The following SH3RF1 variants were observed in gnomAD, a reference collection of about 807,000 sequenced individuals.
The protein encoded by SH3RF1 is SH3 domain containing ring finger 1, also known as E3 ubiquitin-protein ligase SH3RF1.
SH3RF1 carries 32 observed loss-of-function variants against 74.0 expected under a neutral mutation model. That is an observed-to-expected ratio of 0.43 (90% CI 0.33 to 0.58). The LOEUF (loss-of-function observed/expected upper bound fraction) is 0.58, where lower values mean the gene tolerates loss of function less well. Among genes scored for constraint, SH3RF1 ranks in the 20% least tolerant of loss-of-function variants. The probability of loss-of-function intolerance (pLI) is 0.05; values close to 1 mark genes in which losing one functional copy is unlikely to be tolerated. For missense variants in SH3RF1, 954 were observed against 1,130.9 expected, an observed-to-expected ratio of 0.84 and a Z score of 2.24; for synonymous variants, 396 against 439.6, an observed-to-expected ratio of 0.90 and a Z score of 1.24.
At chr4:169,164,889 A>C (rs1255632822) in intron 2 of SH3RF1, among the ~76,000 whole-genome samples, 1 of 152,228 alleles carries the variant, frequency 6.6e-6, no homozygotes, top group Non-Finnish European at 1.5e-5. Flanking sequence ...TACCCAACTG[A>C]CAGATAAATC....
chr4:169,157,617 G>A (rs1322032693), intron 2 of SH3RF1, among the ~76,000 whole-genome samples: 1 of 152,184 alleles, frequency 6.6e-6, no homozygotes, highest in Non-Finnish European at 1.5e-5. Context: ...CGTTGATTCA[G>A]GAGATAAGTG....
chr4:169,205,592 T>A (rs372783209), intron 2 of SH3RF1, among the ~76,000 whole-genome samples: 10 of 152,186 alleles, frequency 6.6e-5, no homozygotes, highest in African/African-American at 2.4e-4. Flanking sequence ...TTTTTCCCAT[T>A]TGCTCTCATT....
intron 2 of SH3RF1, among the ~76,000 whole-genome samples, chr4:169,233,912 A>C (rs1730784051): frequency 6.6e-6 from 1 of 152,062 alleles, no homozygotes; most frequent in South Asian, 2.1e-4. Context: ...AGCAGCTATA[A>C]ACCATTTTCT....
In SH3RF1 at chr4:169,116,494, T is replaced by A; in HGVS notation, c.1914A>T (p.Pro638=). Residue 638 remains proline (P), a synonymous_variant, in exon 10 of 12, where the codon CCA becomes CCT. Coordinates refer to ENST00000284637, the MANE Select transcript of SH3RF1 (RefSeq NM_020870.4). ...TGGCAGCAGTGTGCGTGGCTGAGCC[T>A]GGCATCAGAGGCGCAGGTTGTGGGG... ...LASPQPAPLM[P]GSATHTAAIS... is the part of the protein sequence containing the mutation. 6.2e-7 allele frequency: 1 copy of A among 1,613,558 alleles called. No homozygotes were observed. Among genetic ancestry groups the A allele is most frequent in the Non-Finnish European group, 8.5e-7 (1 of 1,179,792 alleles).
intron 2 of SH3RF1, among the ~76,000 whole-genome samples, chr4:169,178,371 G>GCTTATTTAAAAAAATAAGCAACAATGC (rs1295207700): frequency 1.7e-5 from 1 of 59,564 alleles, no homozygotes; most frequent in Non-Finnish European, 3.9e-5. Context: ...AATAAGCATT[G>GCTTATTTAAAAAAATAAGCAACAATGC]TTATGTTTTG....
intron 4 of SH3RF1, among the ~76,000 whole-genome samples, chr4:169,142,036 T>C (rs1733795465): frequency 1.3e-5 from 2 of 152,120 alleles, no homozygotes; most frequent in African/African-American, 4.8e-5. Flanking sequence ...GCCAGGATGA[T>C]CTCAATCTCC....
chr4:169,101,674 C>CCA (rs1733038090), intron 11 of SH3RF1, among the ~76,000 whole-genome samples: 2 of 85,772 alleles, frequency 2.3e-5, no homozygotes, highest in East Asian at 6.6e-4. Flanking sequence ...AAAAAAAAGG[C>CCA]AAAAAAAAAA....
At chr4:169,107,343 C>CT (rs1168929793) in intron 10 of SH3RF1, 138 bp from the exon 11 acceptor site, 1 of 621,158 alleles carries the variant, frequency 1.6e-6, no homozygotes, top group African/African-American at 1.9e-5. Context: ...TATATGGGGC[C>CT]TTATGGTTTC....
chr4:169,232,129 A>C (rs919118260), intron 2 of SH3RF1, among the ~76,000 whole-genome samples: 1 of 152,252 alleles, frequency 6.6e-6, no homozygotes, highest in African/African-American at 2.4e-5. Flanking sequence ...CTGGATGGCC[A>C]GTGTGGCCAG....
At chr4:169,173,636 CAT>C (rs1224164603) in intron 2 of SH3RF1, among the ~76,000 whole-genome samples, 2 of 152,256 alleles carry the variant, frequency 1.3e-5, no homozygotes, top group Admixed American at 6.5e-5. Flanking sequence ...GAGGGTTACA[CAT>C]GTTAGCTCTG....
At chr4:169,257,055 A>G (rs1731203592) in intron 2 of SH3RF1, among the ~76,000 whole-genome samples, 1 of 152,242 alleles carries the variant, frequency 6.6e-6, no homozygotes, top group Non-Finnish European at 1.5e-5. Context: ...AAACTTGGAA[A>G]GCAGCTCTTC....
chr4:169,200,673 A>T (rs1734893169), intron 2 of SH3RF1, among the ~76,000 whole-genome samples: 1 of 152,214 alleles, frequency 6.6e-6, no homozygotes, highest in African/African-American at 2.4e-5. Flanking sequence ...ATTTGTGAAC[A>T]GTTCAACTAC....
In SH3RF1 at chr4:169,107,068, G is replaced by A. The variant is rs778571835; in HGVS notation, c.2277C>T (p.Pro759=). 1.7e-5 allele frequency: 27 copies of A among 1,613,836 alleles called. 1 individual carries two copies. The highest frequency in any genetic ancestry group is 4.4e-5 in the South Asian group (4 of 91,080). ...CATGGCCACCTCCTGGTGGCAGTTC[G>A]GGCCCCACCGCTCCCTGGAGAGGAA... is the stretch of plus-strand genomic sequence containing the variant. ...AELPLQGAVG[P]ELPPGGGHGR... is the part of the protein sequence containing the mutation. The change falls in exon 11 of 12, where the codon CCC becomes CCT. Residue 759 remains proline (P), a synonymous_variant. Coordinates refer to ENST00000284637, the MANE Select transcript of SH3RF1 (RefSeq NM_020870.4).
intron 5 of SH3RF1, among the ~76,000 whole-genome samples, chr4:169,135,536 A>T (rs1263098320): frequency 6.6e-6 from 1 of 152,200 alleles, no homozygotes; most frequent in African/African-American, 2.4e-5. Context: ...TAATGATAGC[A>T]GCCCCGTGGC....
At chr4:169,194,343 AC>A (rs1228060836) in intron 2 of SH3RF1, among the ~76,000 whole-genome samples, 4 of 152,162 alleles carry the variant, frequency 2.6e-5, no homozygotes, top group Admixed American at 6.5e-5. Context: ...GTGCCTTATG[AC>A]CTTACTAGTA....
intron 4 of SH3RF1, among the ~76,000 whole-genome samples, chr4:169,148,931 G>T (rs983331890): frequency 6.6e-6 from 1 of 152,150 alleles, no homozygotes; most frequent in African/African-American, 2.4e-5. Flanking sequence ...CTGGGTACAT[G>T]TAGCAAAATA....
At chr4:169,122,357 T>A in intron 6 of SH3RF1, 91 bp from the exon 7 acceptor site, 1 of 1,382,622 alleles carries the variant, frequency 7.2e-7, no homozygotes, top group Non-Finnish European at 9.8e-7. Flanking sequence ...GAAAAAGAAT[T>A]ATAAATCCAT....
intron 1 of SH3RF1, among the ~76,000 whole-genome samples, chr4:169,270,312 C>T (rs1359846530): frequency 6.6e-6 from 1 of 152,028 alleles, no homozygotes; most frequent in Admixed American, 6.5e-5. Context: ...AGACACACCC[C>T]GGGGCCAGGT....
intron 2 of SH3RF1, among the ~76,000 whole-genome samples, chr4:169,238,434 C>T (rs1331578154): frequency 6.6e-6 from 1 of 152,206 alleles, no homozygotes; most frequent in Non-Finnish European, 1.5e-5. Flanking sequence ...TCTTAATTTA[C>T]CATTACCATG....
Sources: allele counts gnomAD v4.1 joint callset (sites outside exome capture counted in the v4.1 genomes callset), GRCh38; gene constraint gnomAD v4.1.1; transcripts MANE v1.5; gene names NCBI Gene and HGNC (gene_info 2026-07-23, HGNC 2026-07-21).